The following KIAA0825 variants were observed in gnomAD, a reference collection of about 807,000 sequenced individuals.
The protein encoded by KIAA0825 is uncharacterized protein KIAA0825.
KIAA0825 carries 119 observed loss-of-function variants against 147.6 expected under a neutral mutation model. The observed-to-expected ratio is 0.81, with a 90% CI of 0.69 to 0.94. KIAA0825 has a LOEUF of 0.94. Among genes scored for constraint, KIAA0825 ranks in the 40% least tolerant of loss-of-function variants. The pLI is 0.00. For missense variants in KIAA0825, 1,381 were observed against 1,472.7 expected, an observed-to-expected ratio of 0.94 and a Z score of 1.02; for synonymous variants, 470 against 518.1, an observed-to-expected ratio of 0.91 and a Z score of 1.26.
Position 94,153,968 on chromosome 5 carries a change from A to T in KIAA0825, c.*39T>A, listed in dbSNP as rs960933199. ...AAAAAATCCTACTCCATTACATGGG[A>T]TTGTTTCCTAAAATAAAGCTGTTGC... is the stretch of plus-strand genomic sequence containing the variant. On this transcript the variant is annotated 3_prime_UTR_variant, in exon 21 of 21. Transcript: ENST00000682413. 7.2e-7 allele frequency: 1 copy of T among 1,381,064 alleles called. No homozygotes were observed. Among genetic ancestry groups the T allele is most frequent in the African/African-American group, 1.4e-5 (1 of 69,462 alleles). The allele number at this position is 1,381,064 out of a possible 1,614,324, so 85.6% of individuals were successfully genotyped here.
At chr5:94,617,224 G>C (rs1431876245) in intron 1 of KIAA0825, among the ~76,000 whole-genome samples, 1 of 152,140 alleles carries the variant, frequency 6.6e-6, no homozygotes, top group Non-Finnish European at 1.5e-5. Flanking sequence ...TTGCTGTACA[G>C]ATATAATACA....
chr5:94,508,407 T>C (rs1454797044), intron 5 of KIAA0825, among the ~76,000 whole-genome samples: 1 of 152,202 alleles, frequency 6.6e-6, no homozygotes, highest in African/African-American at 2.4e-5. Flanking sequence ...CACACAGATA[T>C]AATTACTGTA....
chr5:94,473,228 T>A, intron 8 of KIAA0825, 64 bp downstream of exon 8: 2 of 1,295,126 alleles, frequency 1.5e-6, no homozygotes, highest in South Asian at 2.7e-5. Flanking sequence ...CTTTTTGCAA[T>A]GCCTTATACT....
chr5:94,301,950 AT>A (rs1778428730), intron 20 of KIAA0825, among the ~76,000 whole-genome samples: 1 of 152,130 alleles, frequency 6.6e-6, no homozygotes, highest in African/African-American at 2.4e-5. Flanking sequence ...AAACTTTGCA[AT>A]ATCAGTGACA....
intron 20 of KIAA0825, among the ~76,000 whole-genome samples, chr5:94,252,395 T>C (rs1776007360): frequency 6.6e-6 from 1 of 152,016 alleles, no homozygotes. Flanking sequence ...TAAATAACTC[T>C]ATACCTATTT....
At chr5:94,268,061 CAT>C (rs1374099511) in intron 20 of KIAA0825, among the ~76,000 whole-genome samples, 3 of 151,814 alleles carry the variant, frequency 2.0e-5, no homozygotes, top group East Asian at 1.9e-4. Context: ...ATTCAATAAA[CAT>C]GTGTTGGACT....
At chr5:94,488,132 C>G (rs2151061508) in intron 5 of KIAA0825, among the ~76,000 whole-genome samples, 1 of 152,310 alleles carries the variant, frequency 6.6e-6, no homozygotes, top group Non-Finnish European at 1.5e-5. Context: ...CCATGTTGCC[C>G]AGGCTGGCCC....
intron 20 of KIAA0825, among the ~76,000 whole-genome samples, chr5:94,182,467 C>T (rs1436778769): frequency 6.6e-6 from 1 of 150,982 alleles, no homozygotes; most frequent in African/African-American, 2.4e-5. Flanking sequence ...ACCATGTTGG[C>T]CAGGCTGGTT....
chr5:94,232,857 T>TG (rs1774810309), intron 20 of KIAA0825, among the ~76,000 whole-genome samples: 1 of 152,124 alleles, frequency 6.6e-6, no homozygotes, highest in Admixed American at 6.5e-5. Flanking sequence ...ATAAGATTCT[T>TG]GCATAACTCA....
intron 1 of KIAA0825, among the ~76,000 whole-genome samples, chr5:94,589,621 CGTT>C (rs1394960906): frequency 1.3e-5 from 2 of 151,974 alleles, no homozygotes; most frequent in Non-Finnish European, 2.9e-5. Context: ...TTGTACATCT[CGTT>C]GTATTTATTT....
intron 1 of KIAA0825, among the ~76,000 whole-genome samples, chr5:94,612,141 T>C (rs935945203): frequency 6.6e-6 from 1 of 152,132 alleles, no homozygotes; most frequent in Non-Finnish European, 1.5e-5. Flanking sequence ...TATTATAAAA[T>C]ATAAGAAGAT....
chr5:94,164,473 G>T (rs1329388593), intron 20 of KIAA0825, among the ~76,000 whole-genome samples: 1 of 151,652 alleles, frequency 6.6e-6, no homozygotes, highest in Non-Finnish European at 1.5e-5. Context: ...GTGCAGTGGA[G>T]CGATCTTGGC....
chr5:94,478,846 C>T (rs1449357356), intron 6 of KIAA0825, among the ~76,000 whole-genome samples: 1 of 152,054 alleles, frequency 6.6e-6, no homozygotes, highest in Non-Finnish European at 1.5e-5. Flanking sequence ...TAAAGTAAGT[C>T]TGCACAACAA....
intron 20 of KIAA0825, among the ~76,000 whole-genome samples, chr5:94,166,462 G>A (rs564575027): frequency 6.6e-6 from 1 of 151,250 alleles, no homozygotes; most frequent in Admixed American, 6.6e-5. Context: ...GAAGCAATCT[G>A]GGGGTAGCCT....
intron 16 of KIAA0825, among the ~76,000 whole-genome samples, chr5:94,401,445 G>A (rs1401777273): frequency 2.0e-5 from 3 of 152,000 alleles, no homozygotes; most frequent in African/African-American, 4.8e-5. Context: ...TGTATTATGA[G>A]GATTAATTTT....
chr5:94,426,420 C>T (rs967379388), intron 14 of KIAA0825, among the ~76,000 whole-genome samples: 7 of 152,106 alleles, frequency 4.6e-5, no homozygotes, highest in African/African-American at 1.7e-4. Context: ...ATGGATGGAA[C>T]TGGTCATTAT....
chr5:94,414,564 TA>T (rs1190239689), intron 15 of KIAA0825: 7 of 152,190 alleles, frequency 4.6e-5, no homozygotes, highest in Admixed American at 4.6e-4. Flanking sequence ...ATGTCCAGTC[TA>T]AAGAGTTATG....
chr5:94,290,838 A>G (rs1342695304), intron 20 of KIAA0825, among the ~76,000 whole-genome samples: 1 of 152,180 alleles, frequency 6.6e-6, no homozygotes, highest in Non-Finnish European at 1.5e-5. Context: ...AACTGGTGTG[A>G]GATGGTATTC....
chr5:94,230,732 T>G (rs1419672270), intron 20 of KIAA0825, among the ~76,000 whole-genome samples: 1 of 152,180 alleles, frequency 6.6e-6, no homozygotes, highest in African/African-American at 2.4e-5. Context: ...ATGTATGGGC[T>G]CCTTAGTTTC....
Sources: allele counts gnomAD v4.1 joint callset (sites outside exome capture counted in the v4.1 genomes callset), GRCh38; gene constraint gnomAD v4.1.1; transcripts MANE v1.5; gene names NCBI Gene and HGNC (gene_info 2026-07-23, HGNC 2026-07-21).